UNC80: variants seen among roughly 807,000 people sequenced by gnomAD.
UNC80 encodes the protein unc-80 subunit of NALCN channel complex, also known as protein unc-80 homolog.
In UNC80, 164 loss-of-function variants were observed where a neutral mutation model predicts 384.6. That is an observed-to-expected ratio of 0.43 (90% confidence interval 0.38 to 0.49). The LOEUF is 0.49. Among genes scored for constraint, UNC80 ranks in the 20% least tolerant of loss-of-function variants. The pLI is 0.00. For missense variants in UNC80, 3,330 were observed against 4,143.0 expected (o/e 0.80, Z 5.39); for synonymous variants, 1,486 against 1,527.8 (o/e 0.97, Z 0.64).
At position 209,967,552 on chromosome 2, in the gene UNC80, G is replaced by T. The variant is rs1214117176; in HGVS notation, c.7921G>T (p.Ala2641Ser). The stretch of plus-strand genomic sequence containing the variant: ...GATGCTACCCATTACTGACTGGACA[G>T]CTGAGGCAGTGAGGCCGGCCCTCAT... ...MEMLPITDWT[A>S]EAVRPALILI... Residue 2641 changes from alanine (A) to serine (S), a missense_variant, in exon 52 of 65, where the codon GCT becomes TCT. By Grantham distance (99) the Ala-to-Ser change is moderately conservative. This residue lies in a region of UNC80 where 1,049 missense variants were observed against 1,488.6 expected (regional missense o/e 0.70). Transcript: ENST00000673920. 6.4e-7 allele frequency: 1 copy of T among 1,551,674 alleles called. No homozygotes were observed. The highest frequency in any genetic ancestry group is 2.0e-5 in the Admixed American group (1 of 50,998).
At chr2:209,794,473 C>T (rs1397338477) in intron 7 of UNC80, among the ~76,000 whole-genome samples, 1 of 152,082 alleles carries the variant, frequency 6.6e-6, no homozygotes, top group Non-Finnish European at 1.5e-5. Flanking sequence ...AAAATTATAG[C>T]CTAGTAATAC....
intron 28 of UNC80, among the ~76,000 whole-genome samples, chr2:209,903,124 C>A (rs999423878): frequency 6.6e-6 from 1 of 151,432 alleles, no homozygotes; most frequent in African/African-American, 2.4e-5. Context: ...AATGTAAATT[C>A]CATATAAGTA....
intron 21 of UNC80, among the ~76,000 whole-genome samples, chr2:209,848,468 C>T (rs779443760): frequency 6.6e-6 from 1 of 151,942 alleles, no homozygotes; most frequent in South Asian, 2.1e-4. Context: ...AGTGTTCAAA[C>T]GTAGGCAAAA....
chr2:209,863,478 C>T (rs1479237580), intron 22 of UNC80, among the ~76,000 whole-genome samples: 1 of 152,066 alleles, frequency 6.6e-6, no homozygotes, highest in East Asian at 1.9e-4. Context: ...TCCAGTCAAT[C>T]GTAGGTTCAG....
At position 209,978,479 on chromosome 2, in the gene UNC80, A is replaced by G. The variant is rs972044378; in HGVS notation, c.8939-50A>G. On this transcript the variant is annotated intron_variant, in intron 58 of 64. Coordinates refer to ENST00000673920, the MANE Select transcript of UNC80 (RefSeq NM_001371986.1). ...GTGGTCAGGGAGGACTTTGAAGTGGACATTTAAGATTCTCACCATGCATTT... is the reference window on the plus strand; with the variant it reads ...GTGGTCAGGGAGGACTTTGAAGTGGGCATTTAAGATTCTCACCATGCATTT... 59 of 1,430,854 alleles carry G rather than the reference A, an allele frequency of 4.1e-5. No individual in the cohort carries two copies. The East Asian group carries it at 1.4e-3, about 35-fold the overall frequency. 88.6% of individuals were successfully genotyped at this position (1,430,854 alleles called of 1,614,324 possible).
At chr2:209,825,667 A>C (rs2080461116) in intron 13 of UNC80, among the ~76,000 whole-genome samples, 1 of 152,194 alleles carries the variant, frequency 6.6e-6, no homozygotes, top group Non-Finnish European at 1.5e-5. Context: ...AGAAGTCTAT[A>C]CTTATATTCT....
rs1177946342 is a variant in UNC80 at position 209,918,678 on chromosome 2, C to A, written c.5343+15C>A. On this transcript the variant is annotated intron_variant, in intron 33 of 64. Transcript: ENST00000673920. ...AAGACCAGTCTGTGAGTAACAGACA[C>A]TTCCAGGTTCCATGGTGTACGTGTA... The A allele has an allele frequency of 2.6e-6, 4 of 1,537,950 alleles. No individual in the cohort carries two copies. The highest frequency in any genetic ancestry group is 3.5e-6 in the Non-Finnish European group (4 of 1,138,038).
chr2:209,873,977 A>ATGTGTGTG (rs3032480), intron 23 of UNC80, among the ~76,000 whole-genome samples: 1 of 150,258 alleles, frequency 6.7e-6, no homozygotes, highest in Non-Finnish European at 1.5e-5. Flanking sequence ...ACACGTATGT[A>ATGTGTGTG]TGTGTGTGTG....
At chr2:209,911,126 G>A (rs189964406) in intron 29 of UNC80, among the ~76,000 whole-genome samples, 1 of 152,230 alleles carries the variant, frequency 6.6e-6, no homozygotes, top group Admixed American at 6.5e-5. Context: ...AGGGCGGCAG[G>A]AGAGAGAATG....
chr2:209,959,155 G>A lies in UNC80; in HGVS notation c.7586+1G>A. ...AAGGAGCCAAACTGCACTTTATCAG[G>A]TACAGAAAGACTTGCTCTAATTTCA... On this transcript the variant is annotated splice_donor_variant, in intron 50 of 64. Transcript: ENST00000673920. LOFTEE classifies it high-confidence loss of function. 1.3e-6 allele frequency: 2 copies of A among 1,552,002 alleles called. No individual in the cohort carries two copies. The highest frequency in any genetic ancestry group is 1.7e-6 in the Non-Finnish European group (2 of 1,146,960).
intron 7 of UNC80, among the ~76,000 whole-genome samples, chr2:209,798,290 TTGGG>T (rs2078297244): frequency 6.6e-6 from 1 of 152,228 alleles, no homozygotes; most frequent in Non-Finnish European, 1.5e-5. Flanking sequence ...TCTTATGGTT[TTGGG>T]TTTTACATTT....
intron 32 of UNC80, 86 bp from the exon 33 acceptor site, chr2:209,918,446 C>T: frequency 7.0e-7 from 1 of 1,424,916 alleles, no homozygotes; most frequent in Non-Finnish European, 9.5e-7. Context: ...TTAACACTTC[C>T]TGAGACAGAT....
In UNC80 at chr2:209,813,655, A is replaced by G. The variant is rs61745849; in HGVS notation, c.1014A>G (p.Leu338=). 3.9e-3 allele frequency: 6,067 copies of G among 1,551,624 alleles called. 205 individuals are homozygous for G. The African/African-American group carries it at 0.073, about 19-fold the overall frequency. ...TYFDVAVLRC[L]LQPHWSEEGT... is the part of the protein sequence containing the mutation. The stretch of plus-strand genomic sequence containing the variant: ...TTGACGTTGCTGTTCTGCGCTGCCT[A>G]CTTCAGCCCCATTGGTCTGAGGAAG... The change falls in exon 8 of 65, where the codon CTA becomes CTG. Residue 338 remains leucine, a synonymous_variant. Transcript: ENST00000673920.
intron 22 of UNC80, among the ~76,000 whole-genome samples, chr2:209,868,610 AG>A (rs2084032437): frequency 6.6e-6 from 1 of 152,178 alleles, no homozygotes; most frequent in African/African-American, 2.4e-5. Context: ...ATAAAATTCA[AG>A]GAAAAAATGG....
rs1044753506 is a variant in UNC80, at chr2:209,997,810, A to G, written c.*2215A>G. The G allele has an allele frequency of 1.3e-5, 2 of 152,210 alleles. No homozygotes were observed. Among genetic ancestry groups the G allele is most frequent in the African/African-American group, 4.8e-5 (2 of 41,444 alleles). The allele number at this position is 152,210 out of a possible 1,614,324, so 9.4% of individuals were successfully genotyped here. A position where few individuals can be genotyped will look rare whatever the true frequency, so the allele number is the denominator to read the frequency against. The stretch of plus-strand genomic sequence containing the variant: ...CAGATGTGTGCATCTGTTCCATTTA[A>G]GGTGCCCTTAAATGTGTTGAATGTA... On this transcript the variant is annotated 3_prime_UTR_variant, in exon 65 of 65. Transcript: ENST00000673920.
At chr2:209,952,734 T>C (rs180784521) in intron 47 of UNC80, among the ~76,000 whole-genome samples, 1 of 152,338 alleles carries the variant, frequency 6.6e-6, no homozygotes, top group Admixed American at 6.5e-5. Flanking sequence ...TCGATGTGTT[T>C]TAAAAATTTT....
intron 22 of UNC80, among the ~76,000 whole-genome samples, chr2:209,860,086 T>G (rs558131460): frequency 1.3e-5 from 2 of 152,336 alleles, no homozygotes; most frequent in African/African-American, 2.4e-5. Context: ...ATTTTTGTCA[T>G]GAAGTATTTT....
At chr2:209,910,292 C>G (rs2088767441) in intron 29 of UNC80, among the ~76,000 whole-genome samples, 1 of 151,794 alleles carries the variant, frequency 6.6e-6, no homozygotes, top group African/African-American at 2.4e-5. Context: ...CTAGTAGATG[C>G]CTTTGGAACT....
At position 209,939,519 on chromosome 2, in the gene UNC80, C is replaced by G; in HGVS notation, c.6513C>G (p.Ile2171Met). The change falls in exon 43 of 65, where the codon ATC (isoleucine) becomes ATG (methionine). Residue 2171 changes from isoleucine (I) to methionine (M), a missense_variant. By Grantham distance (10) the Ile-to-Met change is conservative. Around this residue, in one of 8 missense-constraint regions of UNC80, gnomAD observed 1,049 missense variants for 1,488.6 expected, o/e 0.70. Coordinates refer to ENST00000673920, the MANE Select transcript of UNC80 (RefSeq NM_001371986.1). ...AAGTAGGGCGGGTGTTGTTTCTCAT[C>G]TCCCTAACCCAGAAGATCCCCACAG... Reference protein sequence around the residue: ...LEEVGRVLFLISLTQKIPTAH... With the variant: ...LEEVGRVLFLMSLTQKIPTAH... 1.9e-6 allele frequency: 3 copies of G among 1,551,378 alleles called. No individual in the cohort carries two copies. Among genetic ancestry groups the G allele is most frequent in the Non-Finnish European group, 2.6e-6 (3 of 1,146,814 alleles).
Sources: allele counts gnomAD v4.1 joint callset (sites outside exome capture counted in the v4.1 genomes callset), GRCh38; gene constraint gnomAD v4.1.1; regional missense constraint gnomAD v4.1.1; transcripts MANE v1.5; gene names NCBI Gene and HGNC (gene_info 2026-07-23, HGNC 2026-07-21).